The following COL14A1 variants were observed in gnomAD, a reference collection of about 807,000 sequenced individuals.
COL14A1 encodes the protein collagen alpha-1(XIV) chain.
A neutral mutation model predicts 230.3 loss-of-function variants in COL14A1; 136 were observed. The ratio of observed to expected loss-of-function variants is 0.59; its 90% CI spans 0.51 to 0.68. The LOEUF is 0.68. COL14A1 is among the 30% of genes least tolerant of loss of function. COL14A1 has a pLI of 0.00. For missense variants in COL14A1, 1,976 were observed against 2,215.8 expected, an observed-to-expected ratio of 0.89 and a Z score of 2.17; for synonymous variants, 792 against 784.1, an observed-to-expected ratio of 1.01 and a Z score of -0.17.
intron 2 of COL14A1, among the ~76,000 whole-genome samples, chr8:120,149,476 GATCACTT>G (rs1300394625): frequency 6.6e-6 from 1 of 152,086 alleles, no homozygotes; most frequent in African/African-American, 2.4e-5. Flanking sequence ...GGAAATTCTA[GATCACTT>G]ATCTTCTAAA....
intron 34 of COL14A1, among the ~76,000 whole-genome samples, chr8:120,293,467 A>G (rs1563722012): frequency 6.6e-6 from 1 of 151,542 alleles, no homozygotes; most frequent in African/African-American, 2.4e-5. Context: ...GGCAGTGTGT[A>G]TTTTCCTGGG....
At chr8:120,168,720 C>T (rs1035558934) in intron 5 of COL14A1, among the ~76,000 whole-genome samples, 1 of 152,058 alleles carries the variant, frequency 6.6e-6, no homozygotes, top group Non-Finnish European at 1.5e-5. Context: ...GGATAAAATG[C>T]GTTGATATGT....
intron 45 of COL14A1, among the ~76,000 whole-genome samples, chr8:120,357,016 G>A (rs557861313): frequency 6.6e-5 from 10 of 152,060 alleles, no homozygotes; most frequent in South Asian, 2.1e-4. Context: ...ATTACAAAGC[G>A]ACTCTTTACA....
At position 120,286,993 on chromosome 8, in the gene COL14A1, T is replaced by C. The variant is rs1586833148; in HGVS notation, c.4077+1023T>C. Among the ~76,000 whole-genome samples the C allele has an allele frequency of 2.0e-5, 3 of 152,320 alleles. No individual in the cohort carries two copies. The South Asian group carries it at 6.2e-4, about 32-fold the overall frequency. ...GCAGTGCAGCACCTACGCTGCAGGA[T>C]GAGCAGAACATTTACTAGGTGGTGT... On this transcript the variant is annotated intron_variant, in intron 33 of 47. Transcript: ENST00000297848.
chr8:120,291,870 T>C (rs1301789110), intron 34 of COL14A1, among the ~76,000 whole-genome samples: 1 of 152,114 alleles, frequency 6.6e-6, no homozygotes, highest in Non-Finnish European at 1.5e-5. Flanking sequence ...AACCAGATTA[T>C]AAATGCCTCA....
intron 32 of COL14A1, among the ~76,000 whole-genome samples, 198 bp downstream of exon 32, chr8:120,283,976 A>G (rs1472950359): frequency 3.3e-5 from 5 of 152,144 alleles, no homozygotes; most frequent in African/African-American, 9.7e-5. Context: ...TTGAGTTCCT[A>G]TTTTGTGCCA....
intron 23 of COL14A1, among the ~76,000 whole-genome samples, chr8:120,261,952 C>A (rs1819340712): frequency 6.6e-6 from 1 of 152,042 alleles, no homozygotes; most frequent in South Asian, 2.1e-4. Context: ...CCTTGGTGGT[C>A]CCAGTGCTGC....
Position 120,277,134 on chromosome 8 carries a change from T to C in COL14A1, c.3214-977T>C, listed in dbSNP as rs190231951. On this transcript the variant is annotated intron_variant, in intron 26 of 47. Coordinates refer to ENST00000297848, the MANE Select transcript of COL14A1 (RefSeq NM_021110.4). ...TGTAAGAACTGAAGCCAGAAAGCTT[T>C]GTATAGTAGTGGTTAAGAACATACA... 2.6e-5 allele frequency among the ~76,000 whole-genome samples: 4 copies of C among 152,256 alleles called. No homozygotes were observed. In the East Asian group the frequency reaches 7.7e-4, roughly 29 times the overall value.
chr8:120,156,314 CGTGTGCCACCACACCTGGCTAATTCT>C (rs1341406799), intron 2 of COL14A1, among the ~76,000 whole-genome samples: 1 of 152,058 alleles, frequency 6.6e-6, no homozygotes, highest in African/African-American at 2.4e-5. Flanking sequence ...GGACTACAGG[CGTGTGCCACCACACCTGGCTAATTCT>C]GTATTTTTAG....
At chr8:120,159,158 G>A (rs1206689721) in intron 3 of COL14A1, among the ~76,000 whole-genome samples, 1 of 152,204 alleles carries the variant, frequency 6.6e-6, no homozygotes, top group Non-Finnish European at 1.5e-5. Context: ...GGCATTACCT[G>A]AGAGCTTGTT....
In COL14A1 at chr8:120,255,265, A is replaced by G; in HGVS notation, c.2778A>G (p.Gln926=). Residue 926 remains glutamine (Q), a synonymous_variant, in exon 23 of 48, where the codon CAA becomes CAG. Transcript: ENST00000297848. ...TGTTCTTGGGTGTTACCAATCTCCA[A>G]GCCAAACATGTTGAAATGACCAGCT... The part of the protein sequence containing the change: ...KTLFLGVTNL[Q]AKHVEMTSLC... The G allele has an allele frequency of 6.2e-7, 1 of 1,614,150 alleles. No individual in the cohort carries two copies. Among genetic ancestry groups the G allele is most frequent in the Non-Finnish European group, 8.5e-7 (1 of 1,179,992 alleles).
chr8:120,360,957 C>T (rs1563757230), intron 45 of COL14A1, among the ~76,000 whole-genome samples: 1 of 152,134 alleles, frequency 6.6e-6, no homozygotes. Context: ...TCCTCTGCAA[C>T]TCCAGTTGTA....
chr8:120,342,462 T>C lies in COL14A1; in HGVS notation c.4888+16T>C. On this transcript the variant is annotated intron_variant, in intron 44 of 47. Transcript: ENST00000297848. The stretch of plus-strand genomic sequence containing the variant: ...CTCATCCAGAGTAAGTATGTAATGG[T>C]TACGGAGGATGTTCCCCATAACAAA... 1 of 1,611,588 alleles carries C rather than the reference T, an allele frequency of 6.2e-7. No homozygotes were observed. The highest frequency in any genetic ancestry group is 1.1e-5 in the South Asian group (1 of 91,028).
chr8:120,364,217 G>C lies in COL14A1; in HGVS notation c.5078-2954G>C, dbSNP rs186350419. Reference sequence around the variant, plus strand: ...GAGATCTACGATGGGCCATGACTGGGTTTTGTCTATAAAAAAATGACTTTA... The same window carrying C: ...GAGATCTACGATGGGCCATGACTGGCTTTTGTCTATAAAAAAATGACTTTA... On this transcript the variant is annotated intron_variant, in intron 45 of 47. Coordinates refer to ENST00000297848, the MANE Select transcript of COL14A1 (RefSeq NM_021110.4). 1.1e-4 allele frequency among the ~76,000 whole-genome samples: 16 copies of C among 152,172 alleles called. No homozygotes were observed. In the East Asian group the frequency reaches 2.9e-3, roughly 28 times the overall value.
intron 23 of COL14A1, among the ~76,000 whole-genome samples, chr8:120,258,640 A>G (rs1819235343): frequency 6.6e-6 from 1 of 151,796 alleles, no homozygotes; most frequent in South Asian, 2.1e-4. Context: ...ATGGCCAAGA[A>G]AAAAAAAAGA....
Position 120,208,187 on chromosome 8 carries a change from G to A in COL14A1, c.1192-45G>A, listed in dbSNP as rs150094692. 1,733 of 1,523,036 alleles carry A rather than the reference G, an allele frequency of 1.1e-3. 27 individuals carry two copies. The African/African-American group carries it at 0.021, about 19-fold the overall frequency. 94.3% of individuals were successfully genotyped at this position (1,523,036 alleles called of 1,614,324 possible). Reference sequence around the variant, plus strand: ...TCGCTTTTTGATTTCAATTCTGCGTGTAAGATATTCCATACTCTCATTACT... The same window carrying A: ...TCGCTTTTTGATTTCAATTCTGCGTATAAGATATTCCATACTCTCATTACT... On this transcript the variant is annotated intron_variant, in intron 10 of 47. Transcript: ENST00000297848.
intron 29 of COL14A1, 106 bp downstream of exon 29, chr8:120,280,205 T>A: frequency 7.8e-7 from 1 of 1,288,296 alleles, no homozygotes. Flanking sequence ...AATATTGACT[T>A]CCAGTACTGC....
At chr8:120,206,538 G>A (rs1817438273) in intron 9 of COL14A1, among the ~76,000 whole-genome samples, 1 of 152,120 alleles carries the variant, frequency 6.6e-6, no homozygotes, top group African/African-American at 2.4e-5. Flanking sequence ...TAGTAGAGAC[G>A]GGGTTTTGCC....
intron 12 of COL14A1, among the ~76,000 whole-genome samples, chr8:120,211,415 A>G (rs1228206582): frequency 6.6e-6 from 1 of 152,224 alleles, no homozygotes; most frequent in East Asian, 1.9e-4. Context: ...ATATGATCCC[A>G]TTATGTGCAT....
Sources: gnomAD v4.1 joint callset for allele counts (sites outside exome capture counted in the v4.1 genomes callset) on GRCh38, gnomAD v4.1.1 for gene constraint, MANE v1.5 for transcripts, NCBI Gene and HGNC (gene_info 2026-07-23, HGNC 2026-07-21) for gene names.